FHOD3: variants seen among roughly 807,000 people sequenced by gnomAD.
FHOD3 encodes formin homology 2 domain containing 3.
Under a neutral mutation model 173.0 loss-of-function variants are expected in FHOD3, and 90 were observed. The observed-to-expected ratio is 0.52, with a 90% confidence interval of 0.44 to 0.62. The LOEUF is 0.62. FHOD3 is among the 20% of genes least tolerant of loss of function. The probability of loss-of-function intolerance (pLI) is 0.00; values close to 1 mark genes in which losing one functional copy is unlikely to be tolerated. For synonymous variants in FHOD3, 828 were observed against 823.0 expected (o/e 1.01, Z -0.10); for missense variants, 1,945 against 2,034.7 (o/e 0.96, Z 0.85).
At chr18:36,561,952 C>A (rs916139394) in intron 5 of FHOD3, among the ~76,000 whole-genome samples, 1 of 140,970 alleles carries the variant, frequency 7.1e-6, no homozygotes, top group Non-Finnish European at 1.6e-5. Context: ...GTGACTACTA[C>A]TACACTGTGT....
At chr18:36,745,791 C>G (rs866669427) in intron 23 of FHOD3, among the ~76,000 whole-genome samples, 35 of 149,468 alleles carry the variant, frequency 2.3e-4, no homozygotes, top group Middle Eastern at 3.2e-3. Context: ...ATCCCCCCAC[C>G]TGCACCCTCC....
chr18:36,514,885 AGAGT>A (rs2055877433), intron 5 of FHOD3, among the ~76,000 whole-genome samples: 1 of 152,222 alleles, frequency 6.6e-6, no homozygotes, highest in Non-Finnish European at 1.5e-5. Flanking sequence ...GGAGGCTGGC[AGAGT>A]GAGTGCCTTC....
chr18:36,764,498 A>G (rs1400041772), intron 27 of FHOD3, among the ~76,000 whole-genome samples: 1 of 151,890 alleles, frequency 6.6e-6, no homozygotes, highest in Non-Finnish European at 1.5e-5. Context: ...TGGTGACCCC[A>G]GCCATCAGAC....
chr18:36,313,772 T>C (rs891754323), intron 1 of FHOD3, among the ~76,000 whole-genome samples: 1 of 152,252 alleles, frequency 6.6e-6, no homozygotes, highest in Non-Finnish European at 1.5e-5. Context: ...GTTTTCATTT[T>C]TCTGTGATAA....
intron 6 of FHOD3, among the ~76,000 whole-genome samples, chr18:36,587,365 G>T (rs1179239552): frequency 4.6e-5 from 7 of 152,120 alleles, no homozygotes; most frequent in African/African-American, 1.7e-4. Context: ...AGTCAGGAGG[G>T]GGAGCTTCTG....
rs537625781 is a variant in FHOD3, at chr18:36,298,081, G to C, written c.165+81G>C. On this transcript the variant is annotated intron_variant, in intron 1 of 28. Coordinates refer to ENST00000590592, the MANE Select transcript of FHOD3 (RefSeq NM_001281740.3). ...GCGCCGGGGTGGGTCCCGGGGCTTC[G>C]TGGGCCCCCTGGGCTGGGCTGGGCG... is the stretch of plus-strand genomic sequence containing the variant. 3.1e-6 allele frequency: 4 copies of C among 1,289,338 alleles called. No homozygotes were observed. The South Asian group carries it at 7.0e-5, about 23-fold the overall frequency. 79.9% of individuals were successfully genotyped at this position (1,289,338 alleles called of 1,614,324 possible).
At chr18:36,763,872 T>C (rs927569688) in intron 27 of FHOD3, among the ~76,000 whole-genome samples, 13 of 152,170 alleles carry the variant, frequency 8.5e-5, no homozygotes, top group African/African-American at 2.9e-4. Context: ...ATGTTATTAT[T>C]ACATCAAAGA....
At chr18:36,502,076 C>G (rs2055060320) in intron 4 of FHOD3, 77 bp downstream of exon 4, 3 of 901,928 alleles carry the variant, frequency 3.3e-6, no homozygotes, top group Non-Finnish European at 5.0e-6. Context: ...TCTACCTGTA[C>G]TTGTTATGAA....
chr18:36,638,509 G>T (rs1465245553), intron 10 of FHOD3, among the ~76,000 whole-genome samples: 1 of 152,108 alleles, frequency 6.6e-6, no homozygotes, highest in African/African-American at 2.4e-5. Context: ...CTGCCTGCTT[G>T]GTGGGGATCG....
intron 3 of FHOD3, among the ~76,000 whole-genome samples, chr18:36,451,114 T>C (rs2051818416): frequency 1.3e-5 from 2 of 152,384 alleles, no homozygotes; most frequent in South Asian, 4.1e-4. Context: ...CAAATGACTT[T>C]TATTTCTTCT....
intron 3 of FHOD3, among the ~76,000 whole-genome samples, chr18:36,406,580 C>A (rs549493010): frequency 2.0e-5 from 3 of 152,250 alleles, no homozygotes; most frequent in African/African-American, 7.2e-5. Context: ...TTTTGAAAAT[C>A]TGCCCCCCGC....
intron 27 of FHOD3, among the ~76,000 whole-genome samples, chr18:36,767,017 C>A (rs545737834): frequency 2.0e-5 from 3 of 152,236 alleles, no homozygotes; most frequent in African/African-American, 7.2e-5. Flanking sequence ...GACCATTGTT[C>A]AGAGGATCTG....
At chr18:36,773,266 C>A (rs1279867497) in intron 28 of FHOD3, among the ~76,000 whole-genome samples, 1 of 152,156 alleles carries the variant, frequency 6.6e-6, no homozygotes, top group African/African-American at 2.4e-5. Flanking sequence ...GTCCCCCCCA[C>A]AGTGTCCGCC....
At chr18:36,494,454 C>T (rs924600658) in intron 3 of FHOD3, among the ~76,000 whole-genome samples, 1 of 152,216 alleles carries the variant, frequency 6.6e-6, no homozygotes, top group South Asian at 2.1e-4. Flanking sequence ...CAAAGATAAG[C>T]TTCTAATTGC....
At chr18:36,578,099 C>T (rs1402378019) in intron 6 of FHOD3, among the ~76,000 whole-genome samples, 2 of 152,178 alleles carry the variant, frequency 1.3e-5, no homozygotes, top group Non-Finnish European at 2.9e-5. Flanking sequence ...AAACAGGTCA[C>T]AGAATCAGCA....
At chr18:36,352,493 A>G (rs541733872) in intron 1 of FHOD3, among the ~76,000 whole-genome samples, 1 of 152,304 alleles carries the variant, frequency 6.6e-6, no homozygotes, top group African/African-American at 2.4e-5. Context: ...CCCCATGCTC[A>G]GCGACTGTGC....
intron 19 of FHOD3, among the ~76,000 whole-genome samples, chr18:36,720,953 A>G (rs1158016275): frequency 6.6e-6 from 1 of 152,068 alleles, no homozygotes; most frequent in Non-Finnish European, 1.5e-5. Flanking sequence ...TCCTAGCTTC[A>G]TTTTTACAAG....
intron 2 of FHOD3, among the ~76,000 whole-genome samples, chr18:36,368,884 CT>C (rs1487251722): frequency 2.0e-5 from 3 of 152,096 alleles, no homozygotes; most frequent in East Asian, 1.9e-4. Flanking sequence ...AACCACCCCC[CT>C]GATCCAATCA....
chr18:36,588,528 A>T (rs4799871), intron 6 of FHOD3, among the ~76,000 whole-genome samples: 1 of 152,064 alleles, frequency 6.6e-6, no homozygotes, highest in Non-Finnish European at 1.5e-5. Context: ...TGGTTTTCCA[A>T]CCCCCTTTGT....
Sources: gnomAD v4.1 joint callset for allele counts (sites outside exome capture counted in the v4.1 genomes callset) on GRCh38, gnomAD v4.1.1 for gene constraint, MANE v1.5 for transcripts, NCBI Gene and HGNC (gene_info 2026-07-23, HGNC 2026-07-21) for gene names.